ZEB1: variants seen among roughly 807,000 people sequenced by gnomAD.
The protein encoded by ZEB1 is zinc finger E-box-binding homeobox 1.
ZEB1 carries 21 observed loss-of-function variants against 84.9 expected under a neutral mutation model. The ratio of observed to expected loss-of-function variants is 0.25; its 90% CI spans 0.18 to 0.36. The LOEUF is 0.36. ZEB1 is among the 10% of genes least tolerant of loss of function. The pLI is 1.00. For synonymous variants in ZEB1, 420 were observed against 471.1 expected, an observed-to-expected ratio of 0.89 and a Z score of 1.41; for missense variants, 1,104 against 1,330.2, an observed-to-expected ratio of 0.83 and a Z score of 2.65.
At chr10:31,472,871 G>A (rs2063475305) in intron 2 of ZEB1, among the ~76,000 whole-genome samples, 1 of 128,596 alleles carries the variant, frequency 7.8e-6, no homozygotes, top group Non-Finnish European at 1.5e-5. Flanking sequence ...TGATCAAGTG[G>A]GCTTCATCCC....
At chr10:31,406,090 C>A (rs900268100) in intron 1 of ZEB1, among the ~76,000 whole-genome samples, 7 of 152,136 alleles carry the variant, frequency 4.6e-5, no homozygotes, top group African/African-American at 1.7e-4. Context: ...TCCAGTCTAT[C>A]ATTGATGGAC....
rs1304371204 is a variant in ZEB1 at position 31,414,684 on chromosome 10, AT to A, written c.59-46351del. Among the ~76,000 whole-genome samples the A allele has an allele frequency of 4.6e-5, 7 of 152,280 alleles. No individual in the cohort carries two copies. In the East Asian group the frequency reaches 1.4e-3, roughly 29 times the overall value. On this transcript the variant is annotated intron_variant, in intron 1 of 8. Coordinates refer to ENST00000424869, the MANE Select transcript of ZEB1 (RefSeq NM_001174096.2). ...TTCACATTTCTACCTATGGTAACTC[AT>A]TACAGAATGTCTGATCATGATATCC...
chr10:31,334,201 C>T (rs1352085072), intron 1 of ZEB1, among the ~76,000 whole-genome samples: 1 of 152,018 alleles, frequency 6.6e-6, no homozygotes, highest in Non-Finnish European at 1.5e-5. Flanking sequence ...ACGTATGGAA[C>T]ATTGTATTCC....
At chr10:31,355,000 T>A (rs796805509) in intron 1 of ZEB1, 20 of 152,302 alleles carry the variant, frequency 1.3e-4, no homozygotes, top group African/African-American at 4.8e-4. Flanking sequence ...TACAAAGCAT[T>A]ATAGTATTTT....
At chr10:31,441,869 C>T (rs1472069135) in intron 1 of ZEB1, among the ~76,000 whole-genome samples, 1 of 152,238 alleles carries the variant, frequency 6.6e-6, no homozygotes, top group African/African-American at 2.4e-5. Context: ...TACCATTTCA[C>T]ACCAGTTAGA....
intron 2 of ZEB1, among the ~76,000 whole-genome samples, chr10:31,472,273 G>A (rs1040400565): frequency 6.6e-6 from 1 of 151,990 alleles, no homozygotes; most frequent in African/African-American, 2.4e-5. Flanking sequence ...TAATCCCAGA[G>A]CTGGTTTTTT....
At chr10:31,373,827 A>G (rs1202862449) in intron 1 of ZEB1, among the ~76,000 whole-genome samples, 1 of 151,830 alleles carries the variant, frequency 6.6e-6, no homozygotes, top group Non-Finnish European at 1.5e-5. Flanking sequence ...AAAATCAGAC[A>G]TCTCTCTCCT....
At chr10:31,482,997 C>T (rs1337981948) in intron 2 of ZEB1, among the ~76,000 whole-genome samples, 1 of 152,006 alleles carries the variant, frequency 6.6e-6, no homozygotes, top group Non-Finnish European at 1.5e-5. Context: ...TACTTCCGCA[C>T]ATTTCAGACC....
At chr10:31,323,927 C>G (rs141228990) in intron 1 of ZEB1, among the ~76,000 whole-genome samples, 47 of 150,914 alleles carry the variant, frequency 3.1e-4, no homozygotes, top group Non-Finnish European at 6.1e-4. Context: ...CCAGGTAAGC[C>G]TGTGTTAATT....
intron 1 of ZEB1, among the ~76,000 whole-genome samples, chr10:31,446,610 G>A (rs1591367905): frequency 2.0e-5 from 3 of 151,864 alleles, no homozygotes; most frequent in African/African-American, 7.3e-5. Context: ...CTGGTATGTT[G>A]TGTCTTTGTT....
chr10:31,421,850 A>G (rs1365618932), intron 1 of ZEB1, among the ~76,000 whole-genome samples: 1 of 152,148 alleles, frequency 6.6e-6, no homozygotes, highest in Non-Finnish European at 1.5e-5. Flanking sequence ...TTTCTTAACT[A>G]TAAAGTGCCT....
chr10:31,440,455 G>T (rs1034821120), intron 1 of ZEB1, among the ~76,000 whole-genome samples: 1 of 152,128 alleles, frequency 6.6e-6, no homozygotes, highest in African/African-American at 2.4e-5. Flanking sequence ...ATATCATACT[G>T]AATGGGCAAA....
chr10:31,376,349 A>G (rs1350583879), intron 1 of ZEB1, among the ~76,000 whole-genome samples: 1 of 151,762 alleles, frequency 6.6e-6, no homozygotes, highest in Non-Finnish European at 1.5e-5. Context: ...GTTCATTTTG[A>G]TGTAAAAATT....
intron 3 of ZEB1, among the ~76,000 whole-genome samples, chr10:31,496,467 G>T (rs1367058768): frequency 6.6e-6 from 1 of 152,056 alleles, no homozygotes; most frequent in Admixed American, 6.6e-5. Flanking sequence ...AATGGATTCA[G>T]ATCAGATTTA....
intron 2 of ZEB1, among the ~76,000 whole-genome samples, chr10:31,487,869 T>C (rs1368908218): frequency 1.3e-5 from 2 of 151,388 alleles, no homozygotes; most frequent in African/African-American, 4.8e-5. Flanking sequence ...TCTGCATCAA[T>C]TGAAATGATC....
intron 1 of ZEB1, among the ~76,000 whole-genome samples, chr10:31,423,393 T>C (rs1564806301): frequency 6.6e-6 from 1 of 152,150 alleles, no homozygotes; most frequent in Non-Finnish European, 1.5e-5. Context: ...AAGTAAGCAT[T>C]TCTACAACCA....
At chr10:31,330,708 AG>A (rs1279609732) in intron 1 of ZEB1, among the ~76,000 whole-genome samples, 3 of 152,166 alleles carry the variant, frequency 2.0e-5, no homozygotes, top group Non-Finnish European at 4.4e-5. Context: ...CTAAAGAAAA[AG>A]TTTTTAGTTA....
chr10:31,355,100 G>T (rs2041909304), intron 1 of ZEB1: 1 of 152,114 alleles, frequency 6.6e-6, no homozygotes. Context: ...AAAAAAATGT[G>T]CTTTAAGAGT....
intron 1 of ZEB1, among the ~76,000 whole-genome samples, chr10:31,458,312 CGTGTGTGTGT>C (rs775810348): frequency 3.2e-5 from 4 of 123,116 alleles, no homozygotes; most frequent in Non-Finnish European, 6.1e-5. Flanking sequence ...ATCTCCATTC[CGTGTGTGTGT>C]GTGTGTGTGT....
Sources: gnomAD v4.1 joint callset for allele counts (sites outside exome capture counted in the v4.1 genomes callset) on GRCh38, gnomAD v4.1.1 for gene constraint, MANE v1.5 for transcripts, NCBI Gene and HGNC (gene_info 2026-07-23, HGNC 2026-07-21) for gene names.